Variants in SLC2A13 observed in about 807,000 individuals in gnomAD.
SLC2A13 encodes proton myo-inositol cotransporter.
A neutral mutation model predicts 64.4 loss-of-function variants in SLC2A13; 32 were observed. That is an observed-to-expected ratio of 0.50 (90% CI 0.37 to 0.67). The LOEUF is 0.67. SLC2A13 is among the 30% of genes least tolerant of loss of function. The pLI is 0.00. For synonymous variants in SLC2A13, 338 were observed against 327.1 expected (o/e 1.03, Z -0.36); for missense variants, 743 against 829.2 (o/e 0.90, Z 1.28).
chr12:39,815,171 A>G (rs1009016452), intron 7 of SLC2A13, among the ~76,000 whole-genome samples: 3 of 152,202 alleles, frequency 2.0e-5, no homozygotes, highest in Non-Finnish European at 4.4e-5. Context: ...TATTCTCTAC[A>G]TTATACCAGA....
intron 1 of SLC2A13, among the ~76,000 whole-genome samples, chr12:40,082,236 C>T (rs1173235477): frequency 1.3e-5 from 2 of 152,210 alleles, no homozygotes; most frequent in Admixed American, 6.5e-5. Flanking sequence ...TGACTCAACC[C>T]TACAAAGTTA....
chr12:39,854,728 A>G (rs1943560742), intron 6 of SLC2A13, among the ~76,000 whole-genome samples: 3 of 152,118 alleles, frequency 2.0e-5, no homozygotes, highest in Admixed American at 1.3e-4. Context: ...GCCTTGACCT[A>G]GTATCCAAGG....
At chr12:39,926,737 T>C (rs1945736896) in intron 4 of SLC2A13, among the ~76,000 whole-genome samples, 1 of 152,146 alleles carries the variant, frequency 6.6e-6, no homozygotes, top group Non-Finnish European at 1.5e-5. Context: ...TACCTCAGCC[T>C]CCTGAGTAGC....
chr12:40,104,755 C>T (rs1176847190), intron 1 of SLC2A13, among the ~76,000 whole-genome samples: 2 of 152,142 alleles, frequency 1.3e-5, no homozygotes, highest in Middle Eastern at 3.2e-3. Context: ...CTTTCAGAGT[C>T]CAGAATTACT....
rs79603594 is a variant in SLC2A13 at position 39,788,802 on chromosome 12, G to A, written c.1446-23944C>T. 8 of 152,220 alleles carry A rather than the reference G, an allele frequency of 5.3e-5. No homozygotes were observed. In the East Asian group the frequency reaches 1.5e-3, roughly 29 times the overall value. The allele number at this position is 152,220 out of a possible 1,614,324, so 9.4% of individuals were successfully genotyped here. On this transcript the variant is annotated intron_variant, in intron 7 of 9. Coordinates refer to ENST00000280871, the MANE Select transcript of SLC2A13 (RefSeq NM_052885.4). ...GAATGCTGATTTGTATTAGAAAGTA[G>A]CTCAACAATCGAAGTTGCCCTGCAA...
chr12:39,919,123 C>G (rs746565289), intron 4 of SLC2A13, among the ~76,000 whole-genome samples: 1 of 151,876 alleles, frequency 6.6e-6, no homozygotes, highest in African/African-American at 2.4e-5. Flanking sequence ...TGGGACTACA[C>G]GCTTGTGTGC....
chr12:39,953,691 A>G (rs1029928843), intron 3 of SLC2A13, among the ~76,000 whole-genome samples: 4 of 152,218 alleles, frequency 2.6e-5, no homozygotes, highest in African/African-American at 7.2e-5. Context: ...AAATTCTCAC[A>G]TTATAAAAAC....
chr12:40,101,491 T>G (rs566238373), intron 1 of SLC2A13, among the ~76,000 whole-genome samples: 10 of 152,276 alleles, frequency 6.6e-5, no homozygotes, highest in Middle Eastern at 3.4e-3. Context: ...AGCAAATGAT[T>G]GCTAATACCC....
At chr12:39,979,997 G>C (rs1946857827) in intron 3 of SLC2A13, among the ~76,000 whole-genome samples, 1 of 151,190 alleles carries the variant, frequency 6.6e-6, no homozygotes. Context: ...CTACAAGCCA[G>C]AAGAGAGTGA....
intron 1 of SLC2A13, among the ~76,000 whole-genome samples, chr12:40,068,842 T>C (rs1431201304): frequency 2.0e-5 from 3 of 151,280 alleles, no homozygotes; most frequent in Non-Finnish European, 4.4e-5. Context: ...TTTTTTTTTC[T>C]CATCCACTCA....
At chr12:39,963,277 A>C (rs1158931031) in intron 3 of SLC2A13, among the ~76,000 whole-genome samples, 1 of 105,558 alleles carries the variant, frequency 9.5e-6, no homozygotes, top group Non-Finnish European at 1.9e-5. Context: ...ACAGAGCGAG[A>C]CTCCGTCTCA....
rs1945679635 is a variant in SLC2A13, at chr12:39,924,518, A to C, written c.1034+26739T>G. On this transcript the variant is annotated intron_variant, in intron 4 of 9. Transcript: ENST00000280871. Reference sequence around the variant, plus strand: ...TTCAATTTTTGAGGACAGTGATAAGACTAGCTTATCTAAAATAGACTTCAC... The same window carrying C: ...TTCAATTTTTGAGGACAGTGATAAGCCTAGCTTATCTAAAATAGACTTCAC... 3.3e-5 allele frequency among the ~76,000 whole-genome samples: 5 copies of C among 151,960 alleles called. No individual in the cohort carries two copies. In the South Asian group the frequency reaches 1.0e-3, roughly 32 times the overall value.
chr12:39,895,256 C>T (rs577894215), intron 4 of SLC2A13, among the ~76,000 whole-genome samples: 7 of 151,558 alleles, frequency 4.6e-5, no homozygotes, highest in Non-Finnish European at 8.8e-5. Context: ...AAAAAAAGGC[C>T]GAGGCGGGCG....
chr12:39,925,601 C>A (rs181772360), intron 4 of SLC2A13, among the ~76,000 whole-genome samples: 2 of 152,010 alleles, frequency 1.3e-5, no homozygotes, highest in African/African-American at 4.8e-5. Flanking sequence ...TAAAGAAATA[C>A]TTAAAAGCTA....
At chr12:39,918,973 T>C (rs1242561283) in intron 4 of SLC2A13, among the ~76,000 whole-genome samples, 1 of 151,810 alleles carries the variant, frequency 6.6e-6, no homozygotes, top group Non-Finnish European at 1.5e-5. Context: ...TGTATACATA[T>C]ATCTATACAT....
At chr12:39,979,305 G>T (rs1240038001) in intron 3 of SLC2A13, among the ~76,000 whole-genome samples, 1 of 147,454 alleles carries the variant, frequency 6.8e-6, no homozygotes, top group Admixed American at 6.8e-5. Context: ...CACCAGCAAC[G>T]GAACAAAGCT....
chr12:39,954,527 C>T (rs1182203375), intron 3 of SLC2A13, among the ~76,000 whole-genome samples: 1 of 152,062 alleles, frequency 6.6e-6, no homozygotes, highest in African/African-American at 2.4e-5. Context: ...CCTGTTCCTA[C>T]GAACCAGAGT....
intron 6 of SLC2A13, among the ~76,000 whole-genome samples, chr12:39,849,359 A>C (rs559730832): frequency 6.6e-6 from 1 of 152,224 alleles, no homozygotes; most frequent in East Asian, 1.9e-4. Flanking sequence ...AAGGTGACCT[A>C]AAAGTCTCAG....
intron 7 of SLC2A13, among the ~76,000 whole-genome samples, chr12:39,795,698 T>G (rs1388797923): frequency 1.3e-5 from 2 of 152,176 alleles, no homozygotes; most frequent in Non-Finnish European, 2.9e-5. Context: ...TACTTTCGAG[T>G]AAATCTTTAC....
Sources: gnomAD v4.1 joint callset for allele counts (sites outside exome capture counted in the v4.1 genomes callset) on GRCh38, gnomAD v4.1.1 for gene constraint, MANE v1.5 for transcripts, NCBI Gene and HGNC (gene_info 2026-07-23, HGNC 2026-07-21) for gene names.